NUCB2: variants seen among roughly 807,000 people sequenced by gnomAD.
NUCB2 encodes the protein nucleobindin-2.
NUCB2 carries 48 observed loss-of-function variants against 57.9 expected under a neutral mutation model. That is an observed-to-expected ratio of 0.83 (90% CI 0.66 to 1.05). The LOEUF (loss-of-function observed/expected upper bound fraction) is 1.05, where lower values mean the gene tolerates loss of function less well. Ranked by LOEUF, NUCB2 falls within the 50% of genes least tolerant of loss-of-function variation. The pLI is 0.00. For missense variants in NUCB2, 442 were observed against 476.2 expected (o/e 0.93, Z 0.67); for synonymous variants, 139 against 152.1 (o/e 0.91, Z 0.64).
At position 17,312,096 on chromosome 11, in the gene NUCB2, A is replaced by C. The variant is rs963583455; in HGVS notation, c.888A>C (p.Arg296Ser). 6.4e-7 allele frequency: 1 copy of C among 1,558,512 alleles called. No homozygotes were observed. The highest frequency in any genetic ancestry group is 8.8e-7 in the Non-Finnish European group (1 of 1,139,122). ...DMVEMEEERL[R>S]MREHVMNEVD... ...TAGAAATGGAAGAAGAAAGGCTTAG[A>C]ATGAGGGAACATGTAATGAATGAGG... Residue 296 changes from arginine (R) to serine (S), a missense_variant, in exon 10 of 14, where the codon AGA (arginine) becomes AGC (serine). Arg to Ser is a moderately radical substitution (Grantham distance 110). Coordinates refer to ENST00000529010, the MANE Select transcript of NUCB2 (RefSeq NM_005013.4).
chr11:17,340,810 T>C (rs1376251361), intron 2 of NUCB2, among the ~76,000 whole-genome samples: 1 of 152,204 alleles, frequency 6.6e-6, no homozygotes, highest in Non-Finnish European at 1.5e-5. Flanking sequence ...TGTGGGCTCT[T>C]TTTTGGTTCC....
intron 11 of NUCB2, among the ~76,000 whole-genome samples, chr11:17,321,209 T>C (rs1836430852): frequency 6.6e-6 from 1 of 151,986 alleles, no homozygotes; most frequent in Admixed American, 6.6e-5. Context: ...TCTATTTTTT[T>C]TTTTTTGGTA....
rs190498877 is a variant in NUCB2, at chr11:17,287,966, C to T, written c.-1+5023C>T. Among the ~76,000 whole-genome samples the T allele has an allele frequency of 2.0e-5, 3 of 152,216 alleles. No homozygotes were observed. In the East Asian group the frequency reaches 5.8e-4, roughly 29 times the overall value. On this transcript the variant is annotated intron_variant, in intron 2 of 13. Coordinates refer to ENST00000529010, the MANE Select transcript of NUCB2 (RefSeq NM_005013.4). Reference sequence around the variant, plus strand: ...TGATCCGAGATCGCGGCACTGCACTCCAGCACGGGCAGTAGAGTGAGACTC... The same window carrying T: ...TGATCCGAGATCGCGGCACTGCACTTCAGCACGGGCAGTAGAGTGAGACTC...
At chr11:17,285,812 T>C (rs1004383331) in intron 2 of NUCB2, among the ~76,000 whole-genome samples, 12 of 148,350 alleles carry the variant, frequency 8.1e-5, no homozygotes, top group Non-Finnish European at 1.6e-4. Context: ...AAAGAGAAAA[T>C]TTTCAGTTTT....
chr11:17,285,748 A>C (rs1326675485), intron 2 of NUCB2, among the ~76,000 whole-genome samples: 2 of 150,368 alleles, frequency 1.3e-5, no homozygotes, highest in Non-Finnish European at 3.0e-5. Flanking sequence ...CGTCTCAAAA[A>C]AAAAAAAAAA....
chr11:17,301,732 T>C lies in NUCB2; in HGVS notation c.253-12T>C, dbSNP rs1946792627. Reference sequence around the variant, plus strand: ...GTAATAGATAAAACTAACTTACTAATTTTGTTAACAGAGTGGGAGGCTAAG... The same window carrying C: ...GTAATAGATAAAACTAACTTACTAACTTTGTTAACAGAGTGGGAGGCTAAG... On this transcript the variant is annotated splice_polypyrimidine_tract_variant and intron_variant, in intron 4 of 13. Coordinates refer to ENST00000529010, the MANE Select transcript of NUCB2 (RefSeq NM_005013.4). The C allele has an allele frequency of 6.2e-7, 1 of 1,600,762 alleles. No individual in the cohort carries two copies. Among genetic ancestry groups the C allele is most frequent in the Non-Finnish European group, 8.6e-7 (1 of 1,169,016 alleles).
At chr11:17,288,874 CATGT>C (rs1565375660) in intron 2 of NUCB2, among the ~76,000 whole-genome samples, 11 of 106,842 alleles carry the variant, frequency 1.0e-4, no homozygotes, top group African/African-American at 3.9e-4. Context: ...TATTTAATAA[CATGT>C]ATATACACAC....
exon 2 of NUCB2, chr11:17,337,371 A>G (rs1399725811): frequency 6.6e-6 from 1 of 152,214 alleles, no homozygotes; most frequent in Non-Finnish European, 1.5e-5. Flanking sequence ...TCAAGAAGAA[A>G]TTGAAAAACA....
intron 2 of NUCB2, among the ~76,000 whole-genome samples, chr11:17,284,656 G>A (rs2137993918): frequency 6.6e-6 from 1 of 152,142 alleles, no homozygotes; most frequent in East Asian, 1.9e-4. Flanking sequence ...ATCTAGACTT[G>A]TTGACCTCAA....
At chr11:17,277,849 T>A (rs1422814366) in intron 1 of NUCB2, among the ~76,000 whole-genome samples, 1 of 152,212 alleles carries the variant, frequency 6.6e-6, no homozygotes. Flanking sequence ...TGTTTTTGTT[T>A]TTTGAAACTT....
chr11:17,310,986 A>AAATCACCCTAAAGTT lies in NUCB2; in HGVS notation c.654_668dup (p.Lys219_Pro223dup), dbSNP rs1387175951. 6.3e-7 allele frequency: 1 copy of AAATCACCCTAAAGTT among 1,580,044 alleles called. No homozygotes were observed. The highest frequency in any genetic ancestry group is 8.5e-7 in the Non-Finnish European group (1 of 1,171,682). ...TTGAAGAAATGAAGAAAAAGCATGA[A>AAATCACCCTAAAGTT]AATCACCCTAAAGTTAATCACCCAG... On this transcript the variant is annotated inframe_insertion, in exon 7 of 14. Coordinates refer to ENST00000529010, the MANE Select transcript of NUCB2 (RefSeq NM_005013.4).
At chr11:17,346,984 A>G (rs1952797260) in intron 2 of NUCB2, among the ~76,000 whole-genome samples, 1 of 152,190 alleles carries the variant, frequency 6.6e-6, no homozygotes, top group Non-Finnish European at 1.5e-5. Flanking sequence ...GTTAATTTAG[A>G]AAGTTTATTT....
chr11:17,329,476 G>A lies in NUCB2; in HGVS notation c.1003-651G>A, dbSNP rs186137410. ...AATTCAGTGCCCATTGCTGGGATGG[G>A]TGATTCTCCTCTGGCTAGGGCTGCT... On this transcript the variant is annotated intron_variant, in intron 11 of 13. Coordinates refer to ENST00000529010, the MANE Select transcript of NUCB2 (RefSeq NM_005013.4). 2.3e-3 allele frequency among the ~76,000 whole-genome samples: 352 copies of A among 152,360 alleles called. 2 individuals are homozygous for A. Among genetic ancestry groups the A allele is most frequent in the African/African-American group, 8.0e-3 (334 of 41,594 alleles).
At chr11:17,341,745 G>A (rs1246420496) in intron 2 of NUCB2, among the ~76,000 whole-genome samples, 7 of 152,040 alleles carry the variant, frequency 4.6e-5, no homozygotes, top group Non-Finnish European at 7.4e-5. Context: ...TTTTTGCATC[G>A]ATGTTCATCA....
At chr11:17,281,566 A>G (rs925535427) in intron 1 of NUCB2, among the ~76,000 whole-genome samples, 2 of 152,200 alleles carry the variant, frequency 1.3e-5, no homozygotes, top group African/African-American at 4.8e-5. Context: ...CTTTGTATTC[A>G]TTCTTATTTT....
At chr11:17,345,494 G>A (rs1952645151) in intron 2 of NUCB2, among the ~76,000 whole-genome samples, 1 of 152,152 alleles carries the variant, frequency 6.6e-6, no homozygotes, top group Non-Finnish European at 1.5e-5. Flanking sequence ...GGATCACGAG[G>A]TCAGGTGTTA....
exon 3 of NUCB2, chr11:17,349,488 C>T (rs1953044560): frequency 1.3e-5 from 2 of 152,190 alleles, no homozygotes; most frequent in South Asian, 4.1e-4. Flanking sequence ...GGCATTACAT[C>T]TGCTATCCTG....
At chr11:17,338,007 A>G (rs1951950998) in intron 2 of NUCB2, among the ~76,000 whole-genome samples, 1 of 152,186 alleles carries the variant, frequency 6.6e-6, no homozygotes. Flanking sequence ...TTTTTAATTT[A>G]TTTAAAAAAT....
chr11:17,284,755 G>A (rs576375111), intron 2 of NUCB2, among the ~76,000 whole-genome samples: 5 of 152,224 alleles, frequency 3.3e-5, no homozygotes, highest in South Asian at 4.1e-4. Context: ...GAGAATGTCT[G>A]TTTGGTGAAT....
Sources: gnomAD v4.1 joint callset for allele counts (sites outside exome capture counted in the v4.1 genomes callset) on GRCh38, gnomAD v4.1.1 for gene constraint, MANE v1.5 for transcripts, NCBI Gene and HGNC (gene_info 2026-07-23, HGNC 2026-07-21) for gene names.